The following MGAT5 variants were observed in gnomAD, a reference collection of about 807,000 sequenced individuals.
The protein encoded by MGAT5 is alpha-1,6-mannosylglycoprotein 6-beta-N-acetylglucosaminyltransferase A.
In MGAT5, 30 loss-of-function variants were observed where a neutral mutation model predicts 94.3. That is an observed-to-expected ratio of 0.32 (90% CI 0.24 to 0.43). MGAT5 has a LOEUF of 0.43. Among genes scored for constraint, MGAT5 ranks in the 20% least tolerant of loss-of-function variants. MGAT5 has a pLI of 1.00. For synonymous variants in MGAT5, 310 were observed against 322.9 expected (o/e 0.96, Z 0.43); for missense variants, 691 against 905.5 (o/e 0.76, Z 3.04).
chr2:134,163,161 G>A (rs1687814508), intron 1 of MGAT5, among the ~76,000 whole-genome samples: 1 of 152,158 alleles, frequency 6.6e-6, no homozygotes, highest in Non-Finnish European at 1.5e-5. Context: ...CAAGGGTAAG[G>A]TGGGCTTGGA....
intron 1 of MGAT5, among the ~76,000 whole-genome samples, chr2:134,238,979 C>T (rs915960432): frequency 2.6e-5 from 4 of 152,038 alleles, no homozygotes; most frequent in Non-Finnish European, 5.9e-5. Flanking sequence ...AGAAATATTG[C>T]CCTAAACGTG....
At chr2:134,131,689 C>T (rs552025839) in intron 1 of MGAT5, among the ~76,000 whole-genome samples, 2 of 150,988 alleles carry the variant, frequency 1.3e-5, no homozygotes, top group African/African-American at 4.9e-5. Flanking sequence ...TTCTCTTCCT[C>T]CTTCCTTCTT....
chr2:134,373,915 G>A (rs1248547544), intron 10 of MGAT5, among the ~76,000 whole-genome samples: 1 of 152,158 alleles, frequency 6.6e-6, no homozygotes, highest in Non-Finnish European at 1.5e-5. Flanking sequence ...GGAGAATAAT[G>A]TTCATTCCTC....
At chr2:134,161,510 C>T (rs1410210816) in intron 1 of MGAT5, among the ~76,000 whole-genome samples, 1 of 152,162 alleles carries the variant, frequency 6.6e-6, no homozygotes, top group Non-Finnish European at 1.5e-5. Context: ...CTCTGGCTGG[C>T]AGGAGGCAGA....
chr2:134,185,473 G>A (rs140626312), intron 1 of MGAT5, among the ~76,000 whole-genome samples: 13 of 152,282 alleles, frequency 8.5e-5, no homozygotes, highest in African/African-American at 2.9e-4. Flanking sequence ...AGTGGGTTAT[G>A]TAAAGGCAGT....
In MGAT5 at chr2:134,298,222, A is replaced by G. The variant is rs556849840; in HGVS notation, c.407-19307A>G. ...GCAATTCTCCTACCTCAGCCTCCCA[A>G]GTAGCTGAGATTACAGACATATGCT... On this transcript the variant is annotated intron_variant, in intron 2 of 15. Coordinates refer to ENST00000281923, the MANE Select transcript of MGAT5 (RefSeq NM_002410.5). 3.3e-5 allele frequency among the ~76,000 whole-genome samples: 5 copies of G among 152,182 alleles called. No individual in the cohort carries two copies. In the East Asian group the frequency reaches 7.7e-4, roughly 24 times the overall value.
intron 1 of MGAT5, among the ~76,000 whole-genome samples, chr2:134,129,885 C>T (rs117809800): frequency 0.068 from 10,362 of 152,256 alleles, 881 homozygotes; most frequent in East Asian, 0.27. Flanking sequence ...GTGGGAGCCC[C>T]TCTCTGGGCT....
At chr2:134,432,695 G>T (rs752353958) in intron 14 of MGAT5, among the ~76,000 whole-genome samples, 14 of 152,210 alleles carry the variant, frequency 9.2e-5, no homozygotes, top group Non-Finnish European at 1.6e-4. Flanking sequence ...TCTTAGCTCT[G>T]CTTGTCACTG....
At chr2:134,365,934 G>C (rs539960217) in intron 10 of MGAT5, among the ~76,000 whole-genome samples, 1 of 152,212 alleles carries the variant, frequency 6.6e-6, no homozygotes, top group South Asian at 2.1e-4. Context: ...CAATGGTCTT[G>C]TCGTGATGTT....
chr2:134,166,963 G>T (rs1294720810), intron 1 of MGAT5, among the ~76,000 whole-genome samples: 1 of 152,138 alleles, frequency 6.6e-6, no homozygotes, highest in Admixed American at 6.5e-5. Context: ...TTGCAGTTTT[G>T]ATCTCTATTA....
chr2:134,157,112 A>G (rs1433518966), intron 1 of MGAT5, among the ~76,000 whole-genome samples: 1 of 152,198 alleles, frequency 6.6e-6, no homozygotes, highest in Non-Finnish European at 1.5e-5. Flanking sequence ...AGCATCCTCC[A>G]TCATATTGGG....
Position 134,452,020 on chromosome 2 carries a change from C to T in MGAT5, c.*3173C>T, listed in dbSNP as rs669740. 71,113 of 152,060 alleles carry T rather than the reference C, an allele frequency of 0.47. 17,852 individuals are homozygous for T. Among genetic ancestry groups the T allele is most frequent in the Admixed American group, 0.63 (9,611 of 15,286 alleles). The allele number at this position is 152,060 out of a possible 1,614,324, so 9.4% of individuals were successfully genotyped here. A position where few individuals can be genotyped will look rare whatever the true frequency, so the allele number is the denominator to read the frequency against. ...TATTTGTTTCCTTGATGTGCCTTTT[C>T]GTTTTTCTTTGGGGTTTTTGGAATC... On this transcript the variant is annotated 3_prime_UTR_variant, in exon 16 of 16. Coordinates refer to ENST00000281923, the MANE Select transcript of MGAT5 (RefSeq NM_002410.5).
Position 134,237,323 on chromosome 2 carries a change from C to G in MGAT5, c.-142-16939C>G, listed in dbSNP as rs949913815. Reference sequence around the variant, plus strand: ...GGATTCTACTCTCTGTCATGGGAGGCAAGACACCTCCTAGCAGAGATGCTC... The same window carrying G: ...GGATTCTACTCTCTGTCATGGGAGGGAAGACACCTCCTAGCAGAGATGCTC... On this transcript the variant is annotated intron_variant, in intron 1 of 16. Coordinates refer to the MGAT5 transcript ENST00000409645. Among the ~76,000 whole-genome samples, 7 of 152,296 alleles carry G rather than the reference C, an allele frequency of 4.6e-5. No individual in the cohort carries two copies. The South Asian group carries it at 6.2e-4, about 14-fold the overall frequency.
At chr2:134,412,826 C>T (rs773185371) in intron 11 of MGAT5, 43 bp from the exon 12 acceptor site, 1 of 1,604,150 alleles carries the variant, frequency 6.2e-7, no homozygotes, top group South Asian at 1.1e-5. Flanking sequence ...CCTGATGGTC[C>T]TGCCTGATGT....
At position 134,313,246 on chromosome 2, in the gene MGAT5, G is replaced by A. The variant is rs910676522; in HGVS notation, c.407-4283G>A. ...CTCCACGCCTCACAGGAACACCCCC[G>A]CTGCGTGTATTTGTGACATCTCGTG... On this transcript the variant is annotated intron_variant, in intron 2 of 15. Coordinates refer to ENST00000281923, the MANE Select transcript of MGAT5 (RefSeq NM_002410.5). 9.9e-5 allele frequency among the ~76,000 whole-genome samples: 15 copies of A among 152,088 alleles called. 1 individual carries two copies. The highest frequency in any genetic ancestry group is 8.5e-4 in the Admixed American group (13 of 15,266).
intron 8 of MGAT5, among the ~76,000 whole-genome samples, chr2:134,349,410 T>C (rs538061236): frequency 6.6e-6 from 1 of 152,188 alleles, no homozygotes; most frequent in South Asian, 2.1e-4. Flanking sequence ...AAGACCTCTA[T>C]AGATGGTAGC....
At chr2:134,249,670 A>G (rs986387983), upstream of MGAT5, among the ~76,000 whole-genome samples, 1 of 152,132 alleles carries the variant, frequency 6.6e-6, no homozygotes, top group Non-Finnish European at 1.5e-5. Context: ...GGCTGGTTTT[A>G]CTTTTGTTTA....
intron 9 of MGAT5, among the ~76,000 whole-genome samples, chr2:134,358,226 T>TTCA (rs1384115651): frequency 6.6e-6 from 1 of 151,370 alleles, no homozygotes; most frequent in East Asian, 1.9e-4. Flanking sequence ...AACTCTCTGA[T>TTCA]GCTTCAGCTT....
chr2:134,202,413 T>A (rs1014730262), intron 1 of MGAT5, among the ~76,000 whole-genome samples: 2 of 152,270 alleles, frequency 1.3e-5, no homozygotes, highest in Non-Finnish European at 2.9e-5. Context: ...AAGCAGACAG[T>A]AGGCCCTTAC....
Sources: allele counts gnomAD v4.1 joint callset (sites outside exome capture counted in the v4.1 genomes callset), GRCh38; gene constraint gnomAD v4.1.1; transcripts MANE v1.5; gene names NCBI Gene and HGNC (gene_info 2026-07-23, HGNC 2026-07-21).